Variants in BIRC3 observed in about 807,000 individuals in gnomAD.
The protein encoded by BIRC3 is baculoviral IAP repeat-containing protein 3.
Under a neutral mutation model 59.0 loss-of-function variants are expected in BIRC3, and 26 were observed. That is an observed-to-expected ratio of 0.44 (90% confidence interval 0.32 to 0.61). The LOEUF is 0.61. BIRC3 is among the 20% of genes least tolerant of loss of function. The pLI is 0.04. For synonymous variants in BIRC3, 243 were observed against 249.2 expected (o/e 0.98, Z 0.24); for missense variants, 641 against 711.5 (o/e 0.90, Z 1.13).
intron 1 of BIRC3, among the ~76,000 whole-genome samples, chr11:102,318,202 T>C (rs1950993369): frequency 6.6e-6 from 1 of 152,222 alleles, no homozygotes; most frequent in Admixed American, 6.5e-5. Flanking sequence ...CATGTATTTT[T>C]CACGTTTAAT....
rs1951195337 is a variant in BIRC3 at position 102,336,210 on chromosome 11, G to C, written c.1569G>C (p.Glu523Asp). The C allele has an allele frequency of 6.3e-7, 1 of 1,590,916 alleles. No homozygotes were observed. The highest frequency in any genetic ancestry group is 1.7e-4 in the Middle Eastern group (1 of 5,914). ...AAGAAGCTGAAGCTGTGTTATATGA[G>C]CATTTATTTGGTGAGTGATAGAAAA... ...SLQEAEAVLY[E>D]HLFVQQDIKY... Residue 523 changes from glutamate to aspartate, a missense_variant, in exon 7 of 9, where the codon GAG (glutamate) becomes GAC (aspartate). Transcript: ENST00000263464.
intron 3 of BIRC3, chr11:102,326,945 A>G (rs1951088731): frequency 2.8e-6 from 1 of 352,642 alleles, no homozygotes; most frequent in Non-Finnish European, 5.6e-6. Context: ...TGACCTCAGG[A>G]CTTTGAGGTG....
chr11:102,326,440 A>G (rs1951081417), intron 3 of BIRC3, among the ~76,000 whole-genome samples: 1 of 152,234 alleles, frequency 6.6e-6, no homozygotes, highest in African/African-American at 2.4e-5. Flanking sequence ...TTAGCTTGCA[A>G]GTGTGGGTTT....
At chr11:102,329,660 C>G (rs1378753074) in intron 5 of BIRC3, among the ~76,000 whole-genome samples, 1 of 152,108 alleles carries the variant, frequency 6.6e-6, no homozygotes, top group African/African-American at 2.4e-5. Context: ...AGCTGGAAAC[C>G]ATCATTCTGA....
At position 102,328,113 on chromosome 11, in the gene BIRC3, C is replaced by G; in HGVS notation, c.1015C>G (p.Pro339Ala). Residue 339 changes from proline to alanine, a missense_variant, in exon 4 of 9, where the codon CCT (proline) becomes GCT (alanine). This residue lies in a region of BIRC3 where 268 missense variants were observed against 255.7 expected (regional missense o/e 1.05). Coordinates refer to ENST00000263464, the MANE Select transcript of BIRC3 (RefSeq NM_001165.5). ...CATCCGTCAAGTTCAAGCCAGTTAC[C>G]CTCATCTACTTGAACAGGTAGGGCA... ...EFIRQVQASY[P>A]HLLEQLLSTS... 1 of 1,607,230 alleles carries G rather than the reference C, an allele frequency of 6.2e-7. No individual in the cohort carries two copies. The highest frequency in any genetic ancestry group is 8.5e-7 in the Non-Finnish European group (1 of 1,177,794).
rs1216201125 is a variant in BIRC3, at chr11:102,336,193, G to A, written c.1552G>A (p.Glu518Lys). ...ATTCAGAAACTCTCTGCAAGAAGCT[G>A]AAGCTGTGTTATATGAGCATTTATT... The part of the protein sequence containing the change: ...TVFRNSLQEA[E>K]AVLYEHLFVQ... Residue 518 changes from glutamate to lysine, a missense_variant, in exon 7 of 9, where the codon GAA (glutamate) becomes AAA (lysine). Transcript: ENST00000263464. 3.7e-6 allele frequency: 6 copies of A among 1,612,214 alleles called. No individual in the cohort carries two copies. In the East Asian group the frequency reaches 8.9e-5, roughly 24 times the overall value.
rs1951211339 is a variant in BIRC3, at chr11:102,337,756, T to C, written c.*654T>C. On this transcript the variant is annotated 3_prime_UTR_variant, in exon 9 of 9. Coordinates refer to ENST00000263464, the MANE Select transcript of BIRC3 (RefSeq NM_001165.5). ...CTTATTCTTCATTGCTTTATTTCAA[T>C]GACATTGGATAGTTTAGTCACTCCC... The C allele has an allele frequency of 8.2e-6, 2 of 242,496 alleles. No individual in the cohort carries two copies. Among genetic ancestry groups the C allele is most frequent in the Non-Finnish European group, 1.6e-5 (2 of 124,940 alleles). The allele number at this position is 242,496 out of a possible 1,614,324, so 15.0% of individuals were successfully genotyped here.
chr11:102,324,448 C>T lies in BIRC3; in HGVS notation c.-62C>T. 1 of 1,515,036 alleles carries T rather than the reference C, an allele frequency of 6.6e-7. No homozygotes were observed. Among genetic ancestry groups the T allele is most frequent in the Non-Finnish European group, 8.8e-7 (1 of 1,133,384 alleles). 93.8% of individuals were successfully genotyped at this position (1,515,036 alleles called of 1,614,324 possible). ...AGTATTAAAACTGATAAAAGCAAAGCCATGCACAAAACTACCTCCCTAGAG... is the reference window on the plus strand; with the variant it reads ...AGTATTAAAACTGATAAAAGCAAAGTCATGCACAAAACTACCTCCCTAGAG... On this transcript the variant is annotated 5_prime_UTR_variant, in exon 2 of 9. Coordinates refer to ENST00000263464, the MANE Select transcript of BIRC3 (RefSeq NM_001165.5).
In BIRC3 at chr11:102,322,365, A is replaced by T. The variant is rs1216714629; in HGVS notation, c.-2145A>T. 4.8e-6 allele frequency: 1 copy of T among 206,428 alleles called. No homozygotes were observed. Among genetic ancestry groups the T allele is most frequent in the Non-Finnish European group, 9.9e-6 (1 of 101,128 alleles). The allele number at this position is 206,428 out of a possible 1,614,324, so 12.8% of individuals were successfully genotyped here. ...AACAAAGCTTTTTGATATGTGCAACAAATTTAGAGGAAGTAAAAAGATAAA... is the reference window on the plus strand; with the variant it reads ...AACAAAGCTTTTTGATATGTGCAACTAATTTAGAGGAAGTAAAAAGATAAA... On this transcript the variant is annotated 5_prime_UTR_variant, in exon 2 of 9. It introduces an in-frame stop codon into an upstream open reading frame of the 5' UTR. Transcript: ENST00000263464.
At position 102,337,550 on chromosome 11, in the gene BIRC3, A is replaced by G. The variant is rs1951209471; in HGVS notation, c.*448A>G. The G allele has an allele frequency of 2.6e-6, 1 of 387,484 alleles. No individual in the cohort carries two copies. Among genetic ancestry groups the G allele is most frequent in the African/African-American group, 2.1e-5 (1 of 48,354 alleles). The allele number at this position is 387,484 out of a possible 1,614,324, so 24.0% of individuals were successfully genotyped here. On this transcript the variant is annotated 3_prime_UTR_variant, in exon 9 of 9. Coordinates refer to ENST00000263464, the MANE Select transcript of BIRC3 (RefSeq NM_001165.5). ...TGAATCCATCCTGGGCAGCATACTG[A>G]GACCCTGCCTTTAAAAACAAACAGA...
intron 7 of BIRC3, 126 bp from the exon 8 acceptor site, chr11:102,336,634 T>C: frequency 1.1e-6 from 1 of 897,038 alleles, no homozygotes; most frequent in Non-Finnish European, 1.7e-6. Flanking sequence ...ATAAAAAGAT[T>C]AAAGACTTCT....
chr11:102,336,259 C>A, intron 7 of BIRC3, 39 bp downstream of exon 7: 2 of 1,535,722 alleles, frequency 1.3e-6, no homozygotes, highest in South Asian at 2.5e-5. Context: ...TTTTCTAAGT[C>A]AATTGAAAAT....
In BIRC3 at chr11:102,325,153, G is replaced by A; in HGVS notation, c.644G>A (p.Trp215Ter). 1 of 1,614,058 alleles carries A rather than the reference G, an allele frequency of 6.2e-7. No individual in the cohort carries two copies. Among genetic ancestry groups the A allele is most frequent in the Non-Finnish European group, 8.5e-7 (1 of 1,179,990 alleles). ...CFACGGKLSNWEPKDNAMSEH... is the reference protein window; with the variant it reads ...CFACGGKLSN ...GCCTGTGGTGGAAAATTGAGCAATTGGGAACCGAAGGATAATGCTATGTCA... is the reference window on the plus strand; with the variant it reads ...GCCTGTGGTGGAAAATTGAGCAATTAGGAACCGAAGGATAATGCTATGTCA... The change falls in exon 2 of 9, where the codon TGG becomes TAG. Residue 215 changes from tryptophan to a stop codon, truncating the protein, a stop_gained. Transcript: ENST00000263464. LOFTEE classifies it high-confidence loss of function.
intron 6 of BIRC3, 118 bp from the exon 7 acceptor site, chr11:102,335,848 T>C: frequency 1.9e-6 from 2 of 1,046,086 alleles, no homozygotes; most frequent in Middle Eastern, 3.2e-4. Flanking sequence ...GCAATCAACA[T>C]CAATGCCTTA....
At chr11:102,321,593 G>C (rs1348131549) in intron 1 of BIRC3, among the ~76,000 whole-genome samples, 1 of 152,160 alleles carries the variant, frequency 6.6e-6, no homozygotes, top group East Asian at 1.9e-4. Flanking sequence ...GACCTCAAGT[G>C]ATCCACTTGT....
Position 102,324,898 on chromosome 11 carries a change from A to G in BIRC3, c.389A>G (p.Asn130Ser). ...CACTCATTACTTCCGGGTACAGAAAACAGTGGATATTTCCGTGGCTCTTAT... is the reference window on the plus strand; with the variant it reads ...CACTCATTACTTCCGGGTACAGAAAGCAGTGGATATTTCCGTGGCTCTTAT... ...STHSLLPGTE[N>S]SGYFRGSYSN... The change falls in exon 2 of 9, where the codon AAC (asparagine) becomes AGC (serine). Residue 130 changes from asparagine (N) to serine (S), a missense_variant. Asn to Ser is a conservative substitution (Grantham distance 46). Around this residue, in one of 4 missense-constraint regions of BIRC3, gnomAD observed 329 missense variants for 365.6 expected, o/e 0.90. Coordinates refer to ENST00000263464, the MANE Select transcript of BIRC3 (RefSeq NM_001165.5). 7 of 1,614,204 alleles carry G rather than the reference A, an allele frequency of 4.3e-6. No individual in the cohort carries two copies. The highest frequency in any genetic ancestry group is 5.9e-6 in the Non-Finnish European group (7 of 1,180,026).
At chr11:102,333,244 T>A (rs1951162761) in intron 6 of BIRC3, among the ~76,000 whole-genome samples, 1 of 152,074 alleles carries the variant, frequency 6.6e-6, no homozygotes. Flanking sequence ...AAGAGGTAAT[T>A]TAAGATTTTT....
Position 102,321,836 on chromosome 11 carries a change from G to T in BIRC3, c.-2673-1G>T. ...CTGTCTTTTTGTTTGTTTTTGAACA[G>T]GTTTACAAAGGAGGAAAACGACTTC... On this transcript the variant is annotated splice_acceptor_variant, in intron 1 of 8. Transcript: ENST00000263464. LOFTEE classifies it low-confidence loss of function (5UTR_SPLICE). The T allele has an allele frequency of 5.7e-6, 1 of 176,628 alleles. No homozygotes were observed. The highest frequency in any genetic ancestry group is 1.2e-5 in the Non-Finnish European group (1 of 81,902). The allele number at this position is 176,628 out of a possible 1,614,324, so 10.9% of individuals were successfully genotyped here.
At chr11:102,319,605 T>C (rs779288755) in intron 1 of BIRC3, among the ~76,000 whole-genome samples, 6 of 152,162 alleles carry the variant, frequency 3.9e-5, no homozygotes, top group Non-Finnish European at 8.8e-5. Flanking sequence ...CTCAATGATG[T>C]CTCTTTTCTT....
Sources: gnomAD v4.1 joint callset for allele counts (sites outside exome capture counted in the v4.1 genomes callset) on GRCh38, gnomAD v4.1.1 for gene constraint, gnomAD v4.1.1 regional missense constraint, MANE v1.5 for transcripts, NCBI Gene and HGNC (gene_info 2026-07-23, HGNC 2026-07-21) for gene names.